GLIPR1: variants seen among roughly 807,000 people sequenced by gnomAD.
GLIPR1 encodes the protein GLI pathogenesis related 1, also known as glioma pathogenesis-related protein 1.
GLIPR1 carries 38 observed loss-of-function variants against 30.3 expected under a neutral mutation model. The ratio of observed to expected loss-of-function variants is 1.26; its 90% CI spans 0.97 to 1.65. The LOEUF (loss-of-function observed/expected upper bound fraction) is 1.65, where lower values mean the gene tolerates loss of function less well. Ranked by LOEUF, GLIPR1 falls within the 40% of genes most tolerant of loss-of-function variation. The probability of loss-of-function intolerance (pLI) is 0.00; values close to 1 mark genes in which losing one functional copy is unlikely to be tolerated. For missense variants in GLIPR1, 285 were observed against 326.5 expected, an observed-to-expected ratio of 0.87 and a Z score of 0.98; for synonymous variants, 122 against 110.6, an observed-to-expected ratio of 1.10 and a Z score of -0.65.
rs2046354140 is a variant in GLIPR1, at chr12:75,496,758, T to C, written c.619+1096T>C. The C allele has an allele frequency of 2.6e-5, 4 of 152,206 alleles. No homozygotes were observed. In the South Asian group the frequency reaches 8.3e-4, roughly 32 times the overall value. 9.4% of individuals were successfully genotyped at this position (152,206 alleles called of 1,614,324 possible). A position where few individuals can be genotyped will look rare whatever the true frequency, so the allele number is the denominator to read the frequency against. ...ATTTAGTTTGGAAAAAAGTGTTCCA[T>C]TGCTCATGTTTTATAAGGTCCCTTG... On this transcript the variant is annotated intron_variant, in intron 4 of 5. Transcript: ENST00000266659.
chr12:75,485,283 T>C (rs920670618), intron 2 of GLIPR1, among the ~76,000 whole-genome samples: 2 of 152,372 alleles, frequency 1.3e-5, no homozygotes, highest in Non-Finnish European at 2.9e-5. Context: ...ACTTTAGCTT[T>C]GTCTTCACTG....
chr12:75,499,760 A>C lies in GLIPR1; in HGVS notation c.*782A>C. ...TAAGGCAACTAATGCCTGATATCTC[A>C]AAATCCTTTACAAAAGGAGATAGTT... On this transcript the variant is annotated 3_prime_UTR_variant, in exon 6 of 6. Transcript: ENST00000266659. The C allele has an allele frequency of 6.8e-7, 1 of 1,469,056 alleles. No individual in the cohort carries two copies. The highest frequency in any genetic ancestry group is 9.1e-7 in the Non-Finnish European group (1 of 1,097,382). The allele number at this position is 1,469,056 out of a possible 1,614,324, so 91.0% of individuals were successfully genotyped here.
At chr12:75,495,820 ATT>A (rs1287873676) in intron 4 of GLIPR1, 158 bp downstream of exon 4, 1 of 472,738 alleles carries the variant, frequency 2.1e-6, no homozygotes, top group Non-Finnish European at 3.9e-6. Context: ...CTAGGAATAC[ATT>A]TAAGAGAAAT....
At chr12:75,488,455 T>G (rs1209699812) in intron 2 of GLIPR1, among the ~76,000 whole-genome samples, 1 of 152,114 alleles carries the variant, frequency 6.6e-6, no homozygotes, top group African/African-American at 2.4e-5. Flanking sequence ...GAGAATCGCT[T>G]GAACCTGGGA....
In GLIPR1 at chr12:75,502,180, G is replaced by GAGGT. The variant is rs2046399012; in HGVS notation, c.*3206_*3209dup. The GAGGT allele has an allele frequency of 7.1e-6, 4 of 563,214 alleles. No homozygotes were observed. The South Asian group carries it at 9.1e-5, about 13-fold the overall frequency. 34.9% of individuals were successfully genotyped at this position (563,214 alleles called of 1,614,324 possible). A position where few individuals can be genotyped will look rare whatever the true frequency, so the allele number is the denominator to read the frequency against. ...AGGGGAATACATACACAAAAGTGTG[G>GAGGT]AGGTAGGAAAGCACCTCCATGGAAT... is the stretch of plus-strand genomic sequence containing the variant. On this transcript the variant is annotated 3_prime_UTR_variant, in exon 6 of 6. Coordinates refer to ENST00000266659, the MANE Select transcript of GLIPR1 (RefSeq NM_006851.3).
chr12:75,482,641 C>G (rs1485661897), intron 2 of GLIPR1, among the ~76,000 whole-genome samples: 1 of 151,952 alleles, frequency 6.6e-6, no homozygotes, highest in Non-Finnish European at 1.5e-5. Context: ...TTATATGAAC[C>G]ATTCTGAGGG....
rs1015682270 is a variant in GLIPR1, at chr12:75,502,587, C to T, written c.*3609C>T. On this transcript the variant is annotated 3_prime_UTR_variant, in exon 6 of 6. Transcript: ENST00000266659. ...GCATTATTATATCTAAGGCACTGTT[C>T]TAAGCTCTTTATAATTACTCATTTA... 6.6e-6 allele frequency: 1 copy of T among 152,082 alleles called. No homozygotes were observed. Among genetic ancestry groups the T allele is most frequent in the African/African-American group, 2.4e-5 (1 of 41,402 alleles). The allele number at this position is 152,082 out of a possible 1,614,324, so 9.4% of individuals were successfully genotyped here. A position where few individuals can be genotyped will look rare whatever the true frequency, so the allele number is the denominator to read the frequency against.
At chr12:75,487,255 T>G (rs888872435) in intron 2 of GLIPR1, among the ~76,000 whole-genome samples, 11 of 152,214 alleles carry the variant, frequency 7.2e-5, no homozygotes, top group Non-Finnish European at 1.6e-4. Context: ...GCAACTCCAG[T>G]GACTGGCATT....
Position 75,499,163 on chromosome 12 carries a change from A to G in GLIPR1, c.*185A>G. Reference sequence around the variant, plus strand: ...TCAGATAAACTCATCTTTAGTATAAATAAGCATTATTTGCAGGTTGCCACA... The same window carrying G: ...TCAGATAAACTCATCTTTAGTATAAGTAAGCATTATTTGCAGGTTGCCACA... On this transcript the variant is annotated 3_prime_UTR_variant, in exon 6 of 6. Coordinates refer to ENST00000266659, the MANE Select transcript of GLIPR1 (RefSeq NM_006851.3). 1 of 434,990 alleles carries G rather than the reference A, an allele frequency of 2.3e-6. No individual in the cohort carries two copies. Among genetic ancestry groups the G allele is most frequent in the South Asian group, 4.6e-5 (1 of 21,614 alleles). The allele number at this position is 434,990 out of a possible 1,614,324, so 26.9% of individuals were successfully genotyped here. A position where few individuals can be genotyped will look rare whatever the true frequency, so the allele number is the denominator to read the frequency against.
At position 75,502,182 on chromosome 12, in the gene GLIPR1, G is replaced by C; in HGVS notation, c.*3204G>C. 1 of 556,652 alleles carries C rather than the reference G, an allele frequency of 1.8e-6. No homozygotes were observed. Among genetic ancestry groups the C allele is most frequent in the South Asian group, 2.3e-5 (1 of 43,264 alleles). The allele number at this position is 556,652 out of a possible 1,614,324, so 34.5% of individuals were successfully genotyped here. ...GGGAATACATACACAAAAGTGTGGAGGTAGGAAAGCACCTCCATGGAATAC... is the reference window on the plus strand; with the variant it reads ...GGGAATACATACACAAAAGTGTGGACGTAGGAAAGCACCTCCATGGAATAC... On this transcript the variant is annotated 3_prime_UTR_variant, in exon 6 of 6. Coordinates refer to ENST00000266659, the MANE Select transcript of GLIPR1 (RefSeq NM_006851.3).
At chr12:75,495,418 C>T (rs1003275616) in intron 3 of GLIPR1, 159 bp from the exon 4 acceptor site, 19 of 569,724 alleles carry the variant, frequency 3.3e-5, no homozygotes, top group Non-Finnish European at 3.2e-6. Flanking sequence ...ATATTAGCAG[C>T]CTTCCATTTC....
intron 3 of GLIPR1, chr12:75,494,847 T>C (rs1451530266): frequency 2.0e-5 from 3 of 152,222 alleles, no homozygotes; most frequent in Non-Finnish European, 2.9e-5. Context: ...CAATTACTTA[T>C]ACTCTGTGAC....
chr12:75,498,116 T>C (rs1263168588), intron 4 of GLIPR1: 3 of 151,454 alleles, frequency 2.0e-5, no homozygotes, highest in Non-Finnish European at 2.9e-5. Flanking sequence ...TTCTATTTTA[T>C]AAAAGAAAGT....
At chr12:75,484,036 T>C (rs2046282870) in intron 2 of GLIPR1, 1 of 152,110 alleles carries the variant, frequency 6.6e-6, no homozygotes, top group African/African-American at 2.4e-5. Flanking sequence ...CTCCCAAAAT[T>C]AACTGAGCTT....
In GLIPR1 at chr12:75,501,656, C is replaced by A; in HGVS notation, c.*2678C>A. On this transcript the variant is annotated 3_prime_UTR_variant, in exon 6 of 6. Transcript: ENST00000266659. ...GATACAACTGTTTCTTAAAAAGATTCAGACAAATTTATTATGGGTTTACTT... is the reference window on the plus strand; with the variant it reads ...GATACAACTGTTTCTTAAAAAGATTAAGACAAATTTATTATGGGTTTACTT... The A allele has an allele frequency of 9.7e-7, 1 of 1,033,118 alleles. No homozygotes were observed. 64.0% of individuals were successfully genotyped at this position (1,033,118 alleles called of 1,614,324 possible).
rs2046401027 is a variant in GLIPR1 at position 75,502,521 on chromosome 12, C to T, written c.*3543C>T. 1 of 153,224 alleles carries T rather than the reference C, an allele frequency of 6.5e-6. No individual in the cohort carries two copies. The highest frequency in any genetic ancestry group is 1.5e-5 in the Non-Finnish European group (1 of 68,756). The allele number at this position is 153,224 out of a possible 1,614,324, so 9.5% of individuals were successfully genotyped here. A position where few individuals can be genotyped will look rare whatever the true frequency, so the allele number is the denominator to read the frequency against. ...GCTTGTTCATTCAATATACAGCCAA[C>T]ATGTAAAATGTGTATAACTGACCTG... On this transcript the variant is annotated 3_prime_UTR_variant, in exon 6 of 6. Coordinates refer to ENST00000266659, the MANE Select transcript of GLIPR1 (RefSeq NM_006851.3).
Position 75,499,800 on chromosome 12 carries a change from T to C in GLIPR1, c.*822T>C. ...AGGAGATAGTTCTAGTCAAGGAGTT[T>C]TGGGTATGTTACTTTTTTTTCTTCT... On this transcript the variant is annotated 3_prime_UTR_variant, in exon 6 of 6. Transcript: ENST00000266659. 2 of 1,592,306 alleles carry C rather than the reference T, an allele frequency of 1.3e-6. No individual in the cohort carries two copies. The highest frequency in any genetic ancestry group is 1.7e-6 in the Non-Finnish European group (2 of 1,171,498).
At position 75,500,213 on chromosome 12, in the gene GLIPR1, T is replaced by C. The variant is rs993618496; in HGVS notation, c.*1235T>C. 5.7e-5 allele frequency: 13 copies of C among 229,814 alleles called. No homozygotes were observed. Among genetic ancestry groups the C allele is most frequent in the Admixed American group, 5.1e-4 (9 of 17,506 alleles). The allele number at this position is 229,814 out of a possible 1,614,324, so 14.2% of individuals were successfully genotyped here. Reference sequence around the variant, plus strand: ...ATACATAAAAATGGCATAAATGGCATAATTGAACCAATTACTGGATTCAAC... The same window carrying C: ...ATACATAAAAATGGCATAAATGGCACAATTGAACCAATTACTGGATTCAAC... On this transcript the variant is annotated 3_prime_UTR_variant, in exon 6 of 6. Coordinates refer to ENST00000266659, the MANE Select transcript of GLIPR1 (RefSeq NM_006851.3).
intron 3 of GLIPR1, chr12:75,492,693 T>C (rs2046330141): frequency 6.6e-6 from 1 of 152,238 alleles, no homozygotes; most frequent in Non-Finnish European, 1.5e-5. Context: ...AAAGTTATAA[T>C]GCTTCCATAA....
Sources: gnomAD v4.1 joint callset for allele counts (sites outside exome capture counted in the v4.1 genomes callset) on GRCh38, gnomAD v4.1.1 for gene constraint, MANE v1.5 for transcripts, NCBI Gene and HGNC (gene_info 2026-07-23, HGNC 2026-07-21) for gene names.